Variants in TRIM65 observed in about 807,000 individuals in gnomAD.
TRIM65 encodes the protein E3 ubiquitin-protein ligase TRIM65.
Under a neutral mutation model 36.1 loss-of-function variants are expected in TRIM65, and 46 were observed. That is an observed-to-expected ratio of 1.27 (90% confidence interval 1.01 to 1.63). The LOEUF (loss-of-function observed/expected upper bound fraction) is 1.63, where lower values mean the gene tolerates loss of function less well. TRIM65 is among the 40% of genes most tolerant of loss of function. The probability of loss-of-function intolerance (pLI) is 0.00; values close to 1 mark genes in which losing one functional copy is unlikely to be tolerated. For synonymous variants in TRIM65, 346 were observed against 313.6 expected (o/e 1.10, Z -1.09); for missense variants, 708 against 696.6 (o/e 1.02, Z -0.18).
rs1269171618 is a variant in TRIM65 at position 75,891,366 on chromosome 17, C to CA, written c.986-20dup. On this transcript the variant is annotated intron_variant, in intron 5 of 5. Coordinates refer to ENST00000269383, the MANE Select transcript of TRIM65 (RefSeq NM_173547.4). ...CGATAATCTGTTGGGGAAAGGAGGA[C>CA]AGCAGTGGGCTGGGGGAAGACAGCA... 2 of 1,611,928 alleles carry CA rather than the reference C, an allele frequency of 1.2e-6. No individual in the cohort carries two copies. The highest frequency in any genetic ancestry group is 1.7e-6 in the Non-Finnish European group (2 of 1,179,148).
Position 75,892,764 on chromosome 17 carries a change from G to A in TRIM65, c.501C>T (p.Ser167=), listed in dbSNP as rs1459627146. The change falls in exon 2 of 6, where the codon AGC becomes AGT. Residue 167 remains serine (S), a synonymous_variant. Coordinates refer to ENST00000269383, the MANE Select transcript of TRIM65 (RefSeq NM_173547.4). ...GGCACAGGCCTCGTACCTGGATCTGGCTGCTTTGCTTGCGCAGCTCTAGTA... is the reference window on the plus strand; with the variant it reads ...GGCACAGGCCTCGTACCTGGATCTGACTGCTTTGCTTGCGCAGCTCTAGTA... ...GQLLELRKQS[S]QIQNSACILA... 1.2e-5 allele frequency: 19 copies of A among 1,603,678 alleles called. No individual in the cohort carries two copies. The highest frequency in any genetic ancestry group is 1.6e-5 in the Non-Finnish European group (19 of 1,179,842).
At chr17:75,886,755 A>G (rs898051321), downstream of TRIM65, among the ~76,000 whole-genome samples, 3 of 152,008 alleles carry the variant, frequency 2.0e-5, no homozygotes, top group Non-Finnish European at 4.4e-5. Flanking sequence ...AGAATCTGTA[A>G]GGGGGTCTGG....
downstream of TRIM65, among the ~76,000 whole-genome samples, chr17:75,888,360 A>AT (rs1018494200): frequency 2.7e-5 from 4 of 148,316 alleles, no homozygotes; most frequent in African/African-American, 1.0e-4. Flanking sequence ...CTCAAAAAAA[A>AT]AAAAGAAAGA....
intron 1 of TRIM65, 49 bp from the exon 2 acceptor site, chr17:75,892,899 C>T: frequency 1.3e-6 from 2 of 1,533,804 alleles, no homozygotes; most frequent in Non-Finnish European, 1.8e-6. Context: ...CCAGGATTGG[C>T]TGTGATGTCC....
intron 4 of TRIM65, among the ~76,000 whole-genome samples, chr17:75,883,832 T>C (rs761340283): frequency 3.7e-4 from 56 of 152,160 alleles, no homozygotes; most frequent in Non-Finnish European, 6.9e-4. Flanking sequence ...TGGCTTTTTA[T>C]GTATTTTTAA....
intron 1 of TRIM65, 97 bp from the exon 2 acceptor site, chr17:75,892,947 A>ATG: frequency 4.5e-6 from 5 of 1,107,014 alleles, no homozygotes; most frequent in Non-Finnish European, 5.2e-6. Context: ...GACACCAGGC[A>ATG]GCCCCTCCCC....
chr17:75,886,155 A>G (rs891784728), downstream of TRIM65, among the ~76,000 whole-genome samples: 1 of 152,178 alleles, frequency 6.6e-6, no homozygotes, highest in East Asian at 1.9e-4. Context: ...CATATGAGAC[A>G]TGCCTTTGCT....
In TRIM65 at chr17:75,892,374, C is replaced by A; in HGVS notation, c.637G>T (p.Ala213Ser). ...CGCAGCCGCTGCTCCTCGTCTCGAG[C>A]CTGTGCCAGCGCCTGCGTCTTGGCC... ...EVAKTQALAQ[A>S]RDEEQRLRVH... is the part of the protein sequence containing the mutation. The change falls in exon 3 of 6, where the codon GCT becomes TCT. Residue 213 changes from alanine to serine, a missense_variant. Physicochemically the swap from Ala to Ser is moderately conservative, Grantham distance 99 (BLOSUM62 1). Transcript: ENST00000269383. The A allele has an allele frequency of 6.2e-7, 1 of 1,613,790 alleles. No homozygotes were observed. The highest frequency in any genetic ancestry group is 8.5e-7 in the Non-Finnish European group (1 of 1,179,962).
Position 75,896,848 on chromosome 17 carries a change from G to A in TRIM65, c.90C>T (p.Asn30=), listed in dbSNP as rs1019311346. ...QDPVTLPCGH[N]FCGACIRDWW... is the part of the protein sequence containing the mutation. ...AGTCCCGGATGCAGGCCCCGCAGAA[G>A]TTGTGGCCGCAGGGCAGCGTCACTG... Residue 30 remains asparagine (N), a synonymous_variant, in exon 1 of 6, where the codon AAC becomes AAT. Coordinates refer to ENST00000269383, the MANE Select transcript of TRIM65 (RefSeq NM_173547.4). 2 of 1,530,462 alleles carry A rather than the reference G, an allele frequency of 1.3e-6. No individual in the cohort carries two copies. The highest frequency in any genetic ancestry group is 1.8e-6 in the Non-Finnish European group (2 of 1,141,492). The allele number at this position is 1,530,462 out of a possible 1,614,324, so 94.8% of individuals were successfully genotyped here. A position where few individuals can be genotyped will look rare whatever the true frequency, so the allele number is the denominator to read the frequency against.
intron 1 of TRIM65, among the ~76,000 whole-genome samples, chr17:75,894,040 G>A (rs143760005): frequency 6.6e-6 from 1 of 152,258 alleles, no homozygotes; most frequent in East Asian, 1.9e-4. Flanking sequence ...CCTCATCTCA[G>A]CCGCTCCTGT....
downstream of TRIM65, among the ~76,000 whole-genome samples, chr17:75,885,894 A>G: frequency 6.6e-6 from 1 of 152,256 alleles, no homozygotes; most frequent in Middle Eastern, 3.4e-3. Context: ...TCCTGCCTGG[A>G]AAGGCACATC....
chr17:75,883,910 G>T lies in TRIM65; in HGVS notation c.350-3281C>A, dbSNP rs537962776. Among the ~76,000 whole-genome samples the T allele has an allele frequency of 4.6e-5, 7 of 152,242 alleles. No homozygotes were observed. The East Asian group carries it at 1.3e-3, about 29-fold the overall frequency. On this transcript the variant is annotated intron_variant, in intron 4 of 4. Transcript: ENST00000591668. ...TTTAAAAAGTAAACAGGCCAGGTGC[G>T]GTGGCTCATCTGTGACGAGGAGTTT...
In TRIM65 at chr17:75,892,087, G is replaced by A. The variant is rs1265621964; in HGVS notation, c.843C>T (p.Ser281=). ...QQLGDLKQLL[S]RLCGLLLEEG... ...CTTCCAAGAGGAGGCCACACAGCCG[G>A]CTTAGCAACTGCTTCAGGTCACCCA... Residue 281 remains serine, a synonymous_variant, in exon 4 of 6, where the codon AGC becomes AGT. Coordinates refer to ENST00000269383, the MANE Select transcript of TRIM65 (RefSeq NM_173547.4). The A allele has an allele frequency of 6.4e-7, 1 of 1,552,950 alleles. No homozygotes were observed. Among genetic ancestry groups the A allele is most frequent in the Non-Finnish European group, 8.7e-7 (1 of 1,147,750 alleles).
Position 75,892,396 on chromosome 17 carries a change from G to T in TRIM65, c.615C>A (p.Ala205=). 6.2e-7 allele frequency: 1 copy of T among 1,614,000 alleles called. No individual in the cohort carries two copies. Among genetic ancestry groups the T allele is most frequent in the Non-Finnish European group, 8.5e-7 (1 of 1,179,994 alleles). ...HTTALRSIEV[A]KTQALAQARD... is the part of the protein sequence containing the mutation. ...GAGCCTGTGCCAGCGCCTGCGTCTT[G>T]GCCACCTCGATGCTCCTCAGTGCTG... The change falls in exon 3 of 6, where the codon GCC becomes GCA. Residue 205 remains alanine, a synonymous_variant. Coordinates refer to ENST00000269383, the MANE Select transcript of TRIM65 (RefSeq NM_173547.4).
downstream of TRIM65, among the ~76,000 whole-genome samples, chr17:75,885,655 A>G (rs2065201614): frequency 1.3e-5 from 2 of 151,846 alleles, no homozygotes; most frequent in Admixed American, 1.3e-4. Context: ...TCACTGATTT[A>G]CTTCTTCATT....
intron 4 of TRIM65, among the ~76,000 whole-genome samples, chr17:75,883,303 G>C (rs1298645871): frequency 5.6e-5 from 8 of 142,220 alleles, no homozygotes; most frequent in Admixed American, 5.4e-4. Flanking sequence ...TTTTAGTAGA[G>C]AGGGGGCTTC....
intron 1 of TRIM65, 102 bp downstream of exon 1, chr17:75,896,422 C>T: frequency 8.2e-7 from 1 of 1,221,004 alleles, no homozygotes; most frequent in Non-Finnish European, 1.0e-6. Flanking sequence ...TCCCCGCCCC[C>T]GCCGGGTGCC....
chr17:75,896,434 G>C, intron 1 of TRIM65, 90 bp downstream of exon 1: 2 of 1,224,552 alleles, frequency 1.6e-6, no homozygotes, highest in Non-Finnish European at 2.0e-6. Context: ...CCGGGTGCCC[G>C]AGAGAGCAGG....
At position 75,896,496 on chromosome 17, in the gene TRIM65, C is replaced by A; in HGVS notation, c.414+28G>T. 3.8e-6 allele frequency: 5 copies of A among 1,311,242 alleles called. No homozygotes were observed. In the South Asian group the frequency reaches 7.9e-5, roughly 21 times the overall value. The allele number at this position is 1,311,242 out of a possible 1,614,324, so 81.2% of individuals were successfully genotyped here. A position where few individuals can be genotyped will look rare whatever the true frequency, so the allele number is the denominator to read the frequency against. On this transcript the variant is annotated intron_variant, in intron 1 of 5. Transcript: ENST00000269383. Reference sequence around the variant, plus strand: ...GTGGCCAGGCTGCGGCGGGTCCGGACCCCTCCCGCTCCCGGCGGATGCGTC... The same window carrying A: ...GTGGCCAGGCTGCGGCGGGTCCGGAACCCTCCCGCTCCCGGCGGATGCGTC...
Sources: allele counts gnomAD v4.1 joint callset (sites outside exome capture counted in the v4.1 genomes callset), GRCh38; gene constraint gnomAD v4.1.1; transcripts MANE v1.5; gene names NCBI Gene and HGNC (gene_info 2026-07-23, HGNC 2026-07-21).